Variants in FHIT observed in about 807,000 individuals in gnomAD.
FHIT encodes fragile histidine triad diadenosine triphosphatase, also known as bis(5'-adenosyl)-triphosphatase.
A neutral mutation model predicts 17.9 loss-of-function variants in FHIT; 19 were observed. That is an observed-to-expected ratio of 1.06 (90% confidence interval 0.74 to 1.56). FHIT has a LOEUF of 1.56. FHIT is among the 40% of genes most tolerant of loss of function. FHIT has a pLI of 0.00. For synonymous variants in FHIT, 81 were observed against 69.7 expected, an observed-to-expected ratio of 1.16 and a Z score of -0.81; for missense variants, 248 against 189.2, an observed-to-expected ratio of 1.31 and a Z score of -1.82.
chr3:60,931,455 A>G (rs746847044), intron 3 of FHIT, among the ~76,000 whole-genome samples: 2 of 152,208 alleles, frequency 1.3e-5, no homozygotes, highest in Non-Finnish European at 2.9e-5. Flanking sequence ...TGTGCAACTC[A>G]TTTTTCTACT....
chr3:60,105,649 C>T (rs908501346), intron 5 of FHIT, among the ~76,000 whole-genome samples: 3 of 152,266 alleles, frequency 2.0e-5, no homozygotes, highest in Admixed American at 1.3e-4. Context: ...AACTAACTTC[C>T]TTTGCTCTGC....
At chr3:60,045,821 A>AT (rs545222971) in intron 5 of FHIT, among the ~76,000 whole-genome samples, 76 of 152,262 alleles carry the variant, frequency 5.0e-4, no homozygotes, top group African/African-American at 1.6e-3. Context: ...GAAATGGAGA[A>AT]TGGATAAGGA....
At chr3:60,178,695 G>A (rs941670838) in intron 5 of FHIT, among the ~76,000 whole-genome samples, 11 of 152,104 alleles carry the variant, frequency 7.2e-5, no homozygotes, top group South Asian at 2.1e-4. Flanking sequence ...TTTAAACTAC[G>A]TTGTTTTTCG....
At chr3:59,943,677 G>T (rs1706651387) in intron 7 of FHIT, among the ~76,000 whole-genome samples, 1 of 152,140 alleles carries the variant, frequency 6.6e-6, no homozygotes, top group African/African-American at 2.4e-5. Flanking sequence ...CCTTGGAGTG[G>T]AAGAAAGAAC....
intron 5 of FHIT, among the ~76,000 whole-genome samples, chr3:60,367,851 C>A (rs1700170835): frequency 6.6e-6 from 1 of 152,162 alleles, no homozygotes; most frequent in Non-Finnish European, 1.5e-5. Context: ...AACTGCTGTT[C>A]TGATTTCTAT....
chr3:60,363,578 C>G (rs1389468168), intron 5 of FHIT, among the ~76,000 whole-genome samples: 1 of 152,060 alleles, frequency 6.6e-6, no homozygotes, highest in Admixed American at 6.6e-5. Flanking sequence ...ATCATTTTTC[C>G]AAGGTTATAC....
At chr3:61,096,912 A>T (rs1576005732) in intron 2 of FHIT, among the ~76,000 whole-genome samples, 1 of 152,030 alleles carries the variant, frequency 6.6e-6, no homozygotes, top group Non-Finnish European at 1.5e-5. Flanking sequence ...GGAGTTCAAG[A>T]CCAGCCTGGC....
chr3:60,404,485 A>C (rs182925549), intron 5 of FHIT, among the ~76,000 whole-genome samples: 1 of 152,272 alleles, frequency 6.6e-6, no homozygotes, highest in African/African-American at 2.4e-5. Context: ...CTTCAAAATA[A>C]GGTTTGAAGT....
intron 4 of FHIT, among the ~76,000 whole-genome samples, chr3:60,590,200 G>C (rs931216279): frequency 1.4e-4 from 21 of 151,922 alleles, no homozygotes; most frequent in African/African-American, 5.1e-4. Context: ...AAGAAGGGAG[G>C]AACTCTGTGG....
intron 2 of FHIT, among the ~76,000 whole-genome samples, chr3:61,075,366 C>T (rs891540918): frequency 2.6e-5 from 4 of 151,524 alleles, no homozygotes. Flanking sequence ...CACATACACA[C>T]CTACCCAGAA....
At chr3:60,891,769 A>G (rs1250676134) in intron 3 of FHIT, among the ~76,000 whole-genome samples, 1 of 151,640 alleles carries the variant, frequency 6.6e-6, no homozygotes, top group Non-Finnish European at 1.5e-5. Flanking sequence ...ATTTATTACA[A>G]TTTATTACAC....
intron 8 of FHIT, among the ~76,000 whole-genome samples, chr3:59,906,065 C>A (rs1025489343): frequency 5.9e-5 from 9 of 152,166 alleles, no homozygotes; most frequent in Admixed American, 2.0e-4. Flanking sequence ...AGTTCACTAT[C>A]CTGTCTAATG....
At chr3:60,004,898 G>T (rs1479455251) in intron 7 of FHIT, among the ~76,000 whole-genome samples, 2 of 152,102 alleles carry the variant, frequency 1.3e-5, no homozygotes, top group Non-Finnish European at 2.9e-5. Flanking sequence ...CTATTTTACA[G>T]GGATTTACAT....
chr3:60,608,349 G>A (rs2856031), intron 4 of FHIT, among the ~76,000 whole-genome samples: 4,128 of 152,198 alleles, frequency 0.027, 86 homozygotes, highest in Middle Eastern at 0.048. Flanking sequence ...AGGTGCTATG[G>A]CTGTTCTGGA....
rs183269433 is a variant in FHIT, at chr3:60,445,445, G to T, written c.103+91415C>A. On this transcript the variant is annotated intron_variant, in intron 5 of 9. Transcript: ENST00000492590. ...TCAAAGAAAGCACACTGCTGTGATGGCAAGCTATCCACTTTTATAAAAAGA... is the reference window on the plus strand; with the variant it reads ...TCAAAGAAAGCACACTGCTGTGATGTCAAGCTATCCACTTTTATAAAAAGA... Among the ~76,000 whole-genome samples, 19 of 151,624 alleles carry T rather than the reference G, an allele frequency of 1.3e-4. No homozygotes were observed. The East Asian group carries it at 1.7e-3, about 14-fold the overall frequency.
chr3:60,330,306 G>C (rs1037012263), intron 5 of FHIT, among the ~76,000 whole-genome samples: 1 of 152,244 alleles, frequency 6.6e-6, no homozygotes, highest in East Asian at 1.9e-4. Flanking sequence ...CAAGTGGGTG[G>C]TGATGTCTCC....
At chr3:59,941,555 A>C (rs1165562970) in intron 7 of FHIT, among the ~76,000 whole-genome samples, 1 of 152,150 alleles carries the variant, frequency 6.6e-6, no homozygotes, top group Non-Finnish European at 1.5e-5. Context: ...CTGTGTAGTT[A>C]TATAACCAGA....
At chr3:61,184,721 G>C (rs2038451884) in intron 2 of FHIT, among the ~76,000 whole-genome samples, 1 of 152,116 alleles carries the variant, frequency 6.6e-6, no homozygotes, top group Admixed American at 6.5e-5. Context: ...CACAAGCAGA[G>C]AAGTGCCCTT....
intron 3 of FHIT, among the ~76,000 whole-genome samples, chr3:60,832,301 T>A (rs1039542499): frequency 2.6e-5 from 4 of 152,128 alleles, no homozygotes; most frequent in African/African-American, 9.7e-5. Flanking sequence ...CAAAGAGAGT[T>A]AAATTACTTG....
Sources: allele counts gnomAD v4.1 joint callset (sites outside exome capture counted in the v4.1 genomes callset), GRCh38; gene constraint gnomAD v4.1.1; transcripts MANE v1.5; gene names NCBI Gene and HGNC (gene_info 2026-07-23, HGNC 2026-07-21).